Variants in PXDNL observed in about 807,000 individuals in gnomAD.
PXDNL encodes peroxidasin like.
PXDNL carries 145 observed loss-of-function variants against 150.8 expected under a neutral mutation model. The observed-to-expected ratio is 0.96, with a 90% CI of 0.84 to 1.10. The LOEUF (loss-of-function observed/expected upper bound fraction) is 1.10. PXDNL is among the 50% of genes least tolerant of loss of function. The pLI is 0.00. For synonymous variants in PXDNL, 757 were observed against 725.7 expected, an observed-to-expected ratio of 1.04 and a Z score of -0.69; for missense variants, 2,087 against 1,873.9, an observed-to-expected ratio of 1.11 and a Z score of -2.10.
chr8:51,703,293 C>A (rs1158773442), intron 1 of PXDNL, among the ~76,000 whole-genome samples: 4 of 148,574 alleles, frequency 2.7e-5, no homozygotes, highest in Non-Finnish European at 3.0e-5. Flanking sequence ...CTTTTCATAC[C>A]AAAAAAAAAA....
At chr8:51,382,663 A>G (rs987688577) in intron 17 of PXDNL, among the ~76,000 whole-genome samples, 1 of 152,196 alleles carries the variant, frequency 6.6e-6, no homozygotes, top group Admixed American at 6.5e-5. Context: ...ACAGAGACTT[A>G]TCATACACCC....
intron 1 of PXDNL, among the ~76,000 whole-genome samples, chr8:51,728,207 C>CTACT (rs1816853265): frequency 6.6e-6 from 1 of 152,164 alleles, no homozygotes; most frequent in African/African-American, 2.4e-5. Context: ...GTAAACACAC[C>CTACT]TACTGTGCTG....
At chr8:51,703,649 A>G (rs1197094963) in intron 1 of PXDNL, among the ~76,000 whole-genome samples, 4 of 152,134 alleles carry the variant, frequency 2.6e-5, no homozygotes, top group Non-Finnish European at 4.4e-5. Flanking sequence ...GAGCCACCCT[A>G]TCAGAAACTG....
intron 1 of PXDNL, among the ~76,000 whole-genome samples, chr8:51,783,575 T>C (rs980155496): frequency 2.6e-5 from 4 of 152,230 alleles, no homozygotes; most frequent in Non-Finnish European, 1.5e-5. Context: ...TCAGTTTTTT[T>C]CTACTCATGC....
chr8:51,644,048 A>G (rs575885594), intron 2 of PXDNL, among the ~76,000 whole-genome samples: 57 of 151,876 alleles, frequency 3.8e-4, no homozygotes, highest in African/African-American at 1.3e-3. Flanking sequence ...GGGGAGGCTG[A>G]GGCAGGAGAA....
At chr8:51,333,848 T>C (rs932975647) in intron 21 of PXDNL, among the ~76,000 whole-genome samples, 7 of 151,512 alleles carry the variant, frequency 4.6e-5, no homozygotes, top group Non-Finnish European at 8.8e-5. Flanking sequence ...AGAAATGAGA[T>C]AGACAGCAAC....
chr8:51,373,730 T>A (rs1383325731), intron 18 of PXDNL, among the ~76,000 whole-genome samples: 1 of 152,186 alleles, frequency 6.6e-6, no homozygotes, highest in Admixed American at 6.5e-5. Context: ...CTTATATACA[T>A]CATCTCTGAA....
At chr8:51,751,012 C>G (rs2130975842) in intron 1 of PXDNL, among the ~76,000 whole-genome samples, 1 of 152,076 alleles carries the variant, frequency 6.6e-6, no homozygotes, top group African/African-American at 2.4e-5. Context: ...CAAAGTCTAT[C>G]CAGAGAAAAT....
intron 12 of PXDNL, among the ~76,000 whole-genome samples, chr8:51,438,139 CA>C (rs2129858073): frequency 6.6e-6 from 1 of 152,208 alleles, no homozygotes; most frequent in African/African-American, 2.4e-5. Context: ...ATGAAAACTT[CA>C]AAACACTGCT....
intron 16 of PXDNL, among the ~76,000 whole-genome samples, 196 bp downstream of exon 16, chr8:51,411,054 A>AT (rs2130896500): frequency 6.6e-6 from 1 of 152,330 alleles, no homozygotes; most frequent in African/African-American, 2.4e-5. Context: ...ACAAGTTTGA[A>AT]TATATATTTA....
At chr8:51,644,772 A>T (rs61006212) in intron 2 of PXDNL, among the ~76,000 whole-genome samples, 14,402 of 151,654 alleles carry the variant, frequency 0.095, 839 homozygotes, top group East Asian at 0.14. Flanking sequence ...TTATATTTTT[A>T]AAAAAATAAA....
intron 1 of PXDNL, among the ~76,000 whole-genome samples, chr8:51,658,344 G>GAAAAAAAAAAAAAAAAAAAAAAAA (rs34771782): frequency 1.1e-5 from 1 of 94,232 alleles, no homozygotes; most frequent in Non-Finnish European, 2.1e-5. Flanking sequence ...CCTGTCTCAA[G>GAAAAAAAAAAAAAAAAAAAAAAAA]AAAAAAAAAA....
At chr8:51,600,553 T>C (rs1384569534) in intron 2 of PXDNL, among the ~76,000 whole-genome samples, 1 of 131,836 alleles carries the variant, frequency 7.6e-6, no homozygotes, top group Non-Finnish European at 1.6e-5. Context: ...TTATATCTTA[T>C]ATAAATTATA....
At chr8:51,502,587 G>A (rs536408884) in intron 4 of PXDNL, among the ~76,000 whole-genome samples, 2 of 152,050 alleles carry the variant, frequency 1.3e-5, no homozygotes, top group African/African-American at 4.8e-5. Context: ...TCACGAGCCG[G>A]GTCTGTGGTT....
rs543121279 is a variant in PXDNL at position 51,571,319 on chromosome 8, G to A, written c.309-14408C>T. 1.4e-4 allele frequency among the ~76,000 whole-genome samples: 21 copies of A among 151,822 alleles called. No homozygotes were observed. The East Asian group carries it at 4.1e-3, about 29-fold the overall frequency. The stretch of plus-strand genomic sequence containing the variant: ...TTAGATTATTGCCAGTGAGCTCCAA[G>A]AATACAGTCATCAGCTGAGAAACAT... On this transcript the variant is annotated intron_variant, in intron 3 of 22. Transcript: ENST00000356297.
At chr8:51,494,489 T>C (rs1232528996) in intron 5 of PXDNL, among the ~76,000 whole-genome samples, 1 of 152,118 alleles carries the variant, frequency 6.6e-6, no homozygotes, top group Non-Finnish European at 1.5e-5. Flanking sequence ...ACTGGCAAAT[T>C]GGATAAAGAG....
chr8:51,453,036 G>A (rs1017147722), intron 10 of PXDNL, among the ~76,000 whole-genome samples: 23 of 151,982 alleles, frequency 1.5e-4, no homozygotes, highest in African/African-American at 3.1e-4. Context: ...TTTATAACAC[G>A]ATTGCATGCC....
chr8:51,538,871 C>G (rs1462728808), intron 4 of PXDNL, among the ~76,000 whole-genome samples: 1 of 152,128 alleles, frequency 6.6e-6, no homozygotes. Flanking sequence ...GAAAATCATG[C>G]AATTATGTGG....
At chr8:51,658,877 C>T (rs889504778) in intron 1 of PXDNL, among the ~76,000 whole-genome samples, 2 of 152,132 alleles carry the variant, frequency 1.3e-5, no homozygotes, top group African/African-American at 2.4e-5. Flanking sequence ...CAGACCACAC[C>T]GTTCCTTTAT....
Sources: allele counts gnomAD v4.1 joint callset (sites outside exome capture counted in the v4.1 genomes callset), GRCh38; gene constraint gnomAD v4.1.1; transcripts MANE v1.5; gene names NCBI Gene and HGNC (gene_info 2026-07-23, HGNC 2026-07-21).